Variants in SGMS1 observed in about 807,000 individuals in gnomAD.
SGMS1 encodes the protein phosphatidylcholine:ceramide cholinephosphotransferase 1.
A neutral mutation model predicts 46.2 loss-of-function variants in SGMS1; 13 were observed. That is an observed-to-expected ratio of 0.28 (90% CI 0.18 to 0.45). SGMS1 has a LOEUF of 0.45. SGMS1 is among the 20% of genes least tolerant of loss of function. SGMS1 has a pLI of 1.00. For missense variants in SGMS1, 324 were observed against 519.9 expected (o/e 0.62, Z 3.66); for synonymous variants, 203 against 187.8 (o/e 1.08, Z -0.66).
At chr10:50,504,039 A>G (rs1458670859) in intron 3 of SGMS1, among the ~76,000 whole-genome samples, 1 of 152,242 alleles carries the variant, frequency 6.6e-6, no homozygotes, top group Non-Finnish European at 1.5e-5. Flanking sequence ...TTCTACCTGC[A>G]TCGATATGAG....
chr10:50,345,035 C>T (rs983360664), intron 6 of SGMS1, among the ~76,000 whole-genome samples: 7 of 151,880 alleles, frequency 4.6e-5, no homozygotes, highest in Middle Eastern at 3.2e-3. Context: ...TACTCTACCT[C>T]GTGAAGAATG....
At chr10:50,546,470 T>C (rs896752606) in intron 2 of SGMS1, among the ~76,000 whole-genome samples, 1 of 152,088 alleles carries the variant, frequency 6.6e-6, no homozygotes, top group Non-Finnish European at 1.5e-5. Context: ...TTGGAATCAA[T>C]CCAAATGTCC....
chr10:50,595,326 C>T (rs1441145879), intron 1 of SGMS1, among the ~76,000 whole-genome samples: 1 of 152,156 alleles, frequency 6.6e-6, no homozygotes, highest in African/African-American at 2.4e-5. Flanking sequence ...CAGGCGCACA[C>T]CACCATGCCT....
intron 2 of SGMS1, among the ~76,000 whole-genome samples, chr10:50,555,592 A>G (rs1838183456): frequency 6.6e-6 from 1 of 152,246 alleles, no homozygotes; most frequent in Non-Finnish European, 1.5e-5. Context: ...GAAGAACTGT[A>G]AACTTCCTAT....
intron 2 of SGMS1, among the ~76,000 whole-genome samples, chr10:50,571,163 C>T (rs2131857989): frequency 6.6e-6 from 1 of 152,220 alleles, no homozygotes; most frequent in East Asian, 1.9e-4. Context: ...CAATAGCTGC[C>T]TAATAAATTT....
intron 6 of SGMS1, among the ~76,000 whole-genome samples, chr10:50,410,801 T>A (rs371655238): frequency 2.6e-5 from 4 of 152,296 alleles, no homozygotes; most frequent in East Asian, 3.9e-4. Context: ...AGGCACCTTC[T>A]CTGTAGCTAG....
chr10:50,352,881 A>G (rs1344534809), intron 6 of SGMS1, among the ~76,000 whole-genome samples: 1 of 152,244 alleles, frequency 6.6e-6, no homozygotes, highest in African/African-American at 2.4e-5. Context: ...TCCCAAGACT[A>G]AACCAGGAAG....
At chr10:50,475,905 T>C (rs1201361154) in intron 3 of SGMS1, among the ~76,000 whole-genome samples, 2 of 151,782 alleles carry the variant, frequency 1.3e-5, no homozygotes, top group Non-Finnish European at 2.9e-5. Flanking sequence ...CATTTCTGTA[T>C]AAATTACTCA....
At chr10:50,325,093 GT>G (rs1157910214) in intron 8 of SGMS1, among the ~76,000 whole-genome samples, 4 of 152,186 alleles carry the variant, frequency 2.6e-5, no homozygotes, top group African/African-American at 9.7e-5. Context: ...AATGTTCACA[GT>G]TTTTAGATGC....
intron 1 of SGMS1, among the ~76,000 whole-genome samples, chr10:50,616,605 G>GGTGTTGTT (rs1838800147): frequency 6.6e-6 from 1 of 152,104 alleles, no homozygotes; most frequent in African/African-American, 2.4e-5. Context: ...GAGGAAAGAG[G>GGTGTTGTT]AACCAGGGCC....
chr10:50,607,280 G>A (rs1248535159), intron 1 of SGMS1, among the ~76,000 whole-genome samples: 2 of 151,906 alleles, frequency 1.3e-5, no homozygotes, highest in Admixed American at 6.6e-5. Flanking sequence ...ACTGTACCTG[G>A]CCTAGCATTG....
chr10:50,346,081 G>A (rs1217757002), intron 6 of SGMS1, among the ~76,000 whole-genome samples: 4 of 152,068 alleles, frequency 2.6e-5, no homozygotes, highest in African/African-American at 9.7e-5. Context: ...GGCAGAAGAC[G>A]GACCACAGTT....
intron 6 of SGMS1, among the ~76,000 whole-genome samples, chr10:50,386,874 A>G (rs1393649057): frequency 6.6e-6 from 1 of 152,188 alleles, no homozygotes; most frequent in African/African-American, 2.4e-5. Flanking sequence ...CTATGACCCG[A>G]GCTTTTTAAA....
chr10:50,379,725 A>C (rs187080186), intron 6 of SGMS1, among the ~76,000 whole-genome samples: 2 of 152,246 alleles, frequency 1.3e-5, no homozygotes, highest in African/African-American at 4.8e-5. Context: ...ATATGCAGCA[A>C]TTGTGACACA....
chr10:50,335,284 T>G (rs547701860), intron 7 of SGMS1: 1 of 152,114 alleles, frequency 6.6e-6, no homozygotes, highest in East Asian at 1.9e-4. Context: ...TGAAGTGAGA[T>G]CTCATCTCAA....
At chr10:50,409,433 C>A (rs985717307) in intron 6 of SGMS1, among the ~76,000 whole-genome samples, 1 of 152,204 alleles carries the variant, frequency 6.6e-6, no homozygotes, top group Admixed American at 6.5e-5. Context: ...ATTCCATACT[C>A]TTTTCCCAAA....
At chr10:50,468,442 T>A (rs570865771) in intron 3 of SGMS1, among the ~76,000 whole-genome samples, 1 of 152,206 alleles carries the variant, frequency 6.6e-6, no homozygotes, top group Non-Finnish European at 1.5e-5. Flanking sequence ...GTGAAATAGT[T>A]TTGTCACTTG....
chr10:50,475,027 G>C (rs1837408034), intron 3 of SGMS1, among the ~76,000 whole-genome samples: 1 of 152,022 alleles, frequency 6.6e-6, no homozygotes, highest in African/African-American at 2.4e-5. Context: ...TTAAATATCA[G>C]AAAAACTGTC....
intron 8 of SGMS1, among the ~76,000 whole-genome samples, chr10:50,323,729 C>T (rs761647782): frequency 2.6e-5 from 4 of 152,138 alleles, no homozygotes; most frequent in Non-Finnish European, 5.9e-5. Flanking sequence ...GTGTAAAATC[C>T]AGCCCTTGGA....
Sources: gnomAD v4.1 joint callset for allele counts (sites outside exome capture counted in the v4.1 genomes callset) on GRCh38, gnomAD v4.1.1 for gene constraint, MANE v1.5 for transcripts, NCBI Gene and HGNC (gene_info 2026-07-23, HGNC 2026-07-21) for gene names.